CDK14: variants seen among roughly 807,000 people sequenced by gnomAD.
CDK14 encodes the protein cyclin dependent kinase 14, also known as cyclin-dependent kinase 14.
CDK14 carries 34 observed loss-of-function variants against 60.7 expected under a neutral mutation model. That is an observed-to-expected ratio of 0.56 (90% confidence interval 0.43 to 0.75). The LOEUF is 0.75. CDK14 is among the 30% of genes least tolerant of loss of function. The probability of loss-of-function intolerance (pLI) is 0.00; values close to 1 mark genes in which losing one functional copy is unlikely to be tolerated. For missense variants in CDK14, 482 were observed against 564.1 expected (o/e 0.85, Z 1.47); for synonymous variants, 197 against 203.7 (o/e 0.97, Z 0.28).
Position 90,616,879 on chromosome 7 carries a change from T to G in CDK14, c.123+12630T>G, listed in dbSNP as rs189374300. 6.7e-4 allele frequency among the ~76,000 whole-genome samples: 102 copies of G among 152,270 alleles called. No homozygotes were observed. In the Middle Eastern group the frequency reaches 0.014, roughly 20 times the overall value. ...CTTATTATATCATCATCATCATATA[T>G]ATATATGTGTGCCTGTGTATATATA... is the stretch of plus-strand genomic sequence containing the variant. On this transcript the variant is annotated intron_variant, in intron 2 of 14. Transcript: ENST00000380050.
chr7:90,842,053 C>T (rs1261124466), intron 5 of CDK14, among the ~76,000 whole-genome samples: 1 of 152,018 alleles, frequency 6.6e-6, no homozygotes, highest in Non-Finnish European at 1.5e-5. Flanking sequence ...GCAATAACAG[C>T]CCCTGCAAGT....
chr7:90,875,030 AC>A (rs1791511854), intron 6 of CDK14, among the ~76,000 whole-genome samples: 2 of 151,426 alleles, frequency 1.3e-5, no homozygotes, highest in Admixed American at 6.6e-5. Flanking sequence ...TTCACCACTA[AC>A]CCCCTGCTCC....
chr7:91,161,257 G>A (rs1801160545), intron 14 of CDK14, among the ~76,000 whole-genome samples: 1 of 152,204 alleles, frequency 6.6e-6, no homozygotes, highest in South Asian at 2.1e-4. Context: ...GCCTCCCAAG[G>A]CGCAGAATCA....
chr7:91,162,851 T>C (rs543479881), intron 14 of CDK14, among the ~76,000 whole-genome samples: 11 of 152,322 alleles, frequency 7.2e-5, no homozygotes, highest in Admixed American at 1.3e-4. Context: ...TTATAGGTGC[T>C]CTTAGGGAAG....
At chr7:90,907,659 T>G (rs1265123571) in intron 7 of CDK14, among the ~76,000 whole-genome samples, 1 of 152,136 alleles carries the variant, frequency 6.6e-6, no homozygotes, top group Non-Finnish European at 1.5e-5. Flanking sequence ...AATTTTGAAC[T>G]TCCTGCCTTA....
At chr7:91,079,502 G>T (rs1267938693) in intron 12 of CDK14, 22 bp downstream of exon 12, 2 of 1,532,430 alleles carry the variant, frequency 1.3e-6, no homozygotes, top group African/African-American at 2.7e-5. Flanking sequence ...TACAGATTGT[G>T]CTCATTCTCT....
intron 10 of CDK14, among the ~76,000 whole-genome samples, chr7:91,045,101 C>T (rs1043022308): frequency 6.6e-6 from 1 of 152,142 alleles, no homozygotes; most frequent in Admixed American, 6.5e-5. Context: ...AGAGCCTGGC[C>T]TCTTAACCCT....
At chr7:90,668,699 C>CTTT (rs59773768) in intron 2 of CDK14, among the ~76,000 whole-genome samples, 2 of 87,532 alleles carry the variant, frequency 2.3e-5, no homozygotes, top group Non-Finnish European at 2.2e-5. Context: ...GACTCGCATT[C>CTTT]TTTTTTTTTT....
chr7:90,903,985 C>T (rs1792609071), intron 7 of CDK14, among the ~76,000 whole-genome samples: 1 of 152,130 alleles, frequency 6.6e-6, no homozygotes, highest in African/African-American at 2.4e-5. Context: ...CTTTACTCCC[C>T]AGCCCTGGGG....
rs554814615 is a variant in CDK14, at chr7:90,625,027, C to A, written c.123+20778C>A. Among the ~76,000 whole-genome samples the A allele has an allele frequency of 1.1e-4, 16 of 152,280 alleles. 1 individual carries two copies. The highest frequency in any genetic ancestry group is 3.8e-4 in the African/African-American group (16 of 41,564). Reference sequence around the variant, plus strand: ...CAACAGTTTCAAAACGTGTAAAACACTTAAAACGGCGAATGGCTCATAGTA... The same window carrying A: ...CAACAGTTTCAAAACGTGTAAAACAATTAAAACGGCGAATGGCTCATAGTA... On this transcript the variant is annotated intron_variant, in intron 2 of 14. Coordinates refer to ENST00000380050, the MANE Select transcript of CDK14 (RefSeq NM_001287135.2).
intron 14 of CDK14, among the ~76,000 whole-genome samples, chr7:91,189,735 C>A (rs117916239): frequency 6.6e-6 from 1 of 152,090 alleles, no homozygotes; most frequent in South Asian, 2.1e-4. Flanking sequence ...CATGAATTTT[C>A]TTGTATGGCT....
At chr7:91,137,225 C>G (rs932479613) in intron 14 of CDK14, among the ~76,000 whole-genome samples, 1 of 152,176 alleles carries the variant, frequency 6.6e-6, no homozygotes, top group South Asian at 2.1e-4. Flanking sequence ...GCATTTCTTT[C>G]TCCAGCTTTG....
intron 8 of CDK14, among the ~76,000 whole-genome samples, chr7:90,936,518 T>G (rs1337081380): frequency 6.6e-6 from 1 of 152,216 alleles, no homozygotes; most frequent in Non-Finnish European, 1.5e-5. Context: ...CTATAGCTTT[T>G]TATCTCTTTT....
At chr7:90,975,090 T>A (rs1584189013) in intron 9 of CDK14, among the ~76,000 whole-genome samples, 1 of 152,076 alleles carries the variant, frequency 6.6e-6, no homozygotes, top group Non-Finnish European at 1.5e-5. Flanking sequence ...GAGCACAGAG[T>A]TAGGGGACCT....
At chr7:90,807,029 C>T (rs1003274598) in intron 5 of CDK14, among the ~76,000 whole-genome samples, 1 of 152,340 alleles carries the variant, frequency 6.6e-6, no homozygotes, top group East Asian at 1.9e-4. Context: ...TCTGTAGACT[C>T]CACCTCTGGG....
chr7:90,798,577 G>A (rs534100767), intron 5 of CDK14, among the ~76,000 whole-genome samples: 1 of 152,290 alleles, frequency 6.6e-6, no homozygotes, highest in South Asian at 2.1e-4. Flanking sequence ...TCAACAGCGG[G>A]AAGATTTCAG....
chr7:90,877,604 T>C (rs1791605257), intron 6 of CDK14, among the ~76,000 whole-genome samples: 1 of 152,172 alleles, frequency 6.6e-6, no homozygotes. Context: ...CCCCCTTCTA[T>C]TTTATTACCC....
chr7:90,684,727 A>G (rs1584792307), intron 2 of CDK14, among the ~76,000 whole-genome samples: 1 of 152,138 alleles, frequency 6.6e-6, no homozygotes, highest in Admixed American at 6.5e-5. Context: ...ATTTGGGTAC[A>G]TATTTTAAAA....
At chr7:90,807,049 T>C (rs928533358) in intron 5 of CDK14, among the ~76,000 whole-genome samples, 8 of 152,198 alleles carry the variant, frequency 5.3e-5, no homozygotes, top group African/African-American at 1.9e-4. Flanking sequence ...GGGCAGGGCA[T>C]AGCCAAACAA....
Sources: allele counts gnomAD v4.1 joint callset (sites outside exome capture counted in the v4.1 genomes callset), GRCh38; gene constraint gnomAD v4.1.1; transcripts MANE v1.5; gene names NCBI Gene and HGNC (gene_info 2026-07-23, HGNC 2026-07-21).